TLR10: variants seen among roughly 807,000 people sequenced by gnomAD.
The protein encoded by TLR10 is toll-like receptor 10.
For missense variants in TLR10, 929 were observed against 932.9 expected, an observed-to-expected ratio of 1.00 and a Z score of 0.05; for synonymous variants, 288 against 338.8, an observed-to-expected ratio of 0.85 and a Z score of 1.65.
chr4:38,772,982 C>T lies in TLR10; in HGVS notation c.*173G>A. On this transcript the variant is annotated 3_prime_UTR_variant, in exon 4 of 4. Transcript: ENST00000308973. The stretch of plus-strand genomic sequence containing the variant: ...ACCTTTTTCCATAAGCCCTTATAAA[C>T]TTGTGAAGGTGTTTCTATAGGATAC... The T allele has an allele frequency of 1.5e-5, 8 of 545,094 alleles. No individual in the cohort carries two copies. The highest frequency in any genetic ancestry group is 2.0e-5 in the Non-Finnish European group (7 of 352,538). The allele number at this position is 545,094 out of a possible 1,614,324, so 33.8% of individuals were successfully genotyped here. A position where few individuals can be genotyped will look rare whatever the true frequency, so the allele number is the denominator to read the frequency against.
At chr4:38,777,315 G>T (rs1035731836) in intron 1 of TLR10, among the ~76,000 whole-genome samples, 1 of 152,184 alleles carries the variant, frequency 6.6e-6, no homozygotes, top group African/African-American at 2.4e-5. Flanking sequence ...AGAACAGCAA[G>T]TACAAATTTA....
chr4:38,775,262 C>G lies in TLR10; in HGVS notation c.329G>C (p.Ser110Thr). ...ACCTGCCAGTAAATACCAAGTTACA[C>G]TCTTCAGTCTGTTATTAGACAAATC... is the stretch of plus-strand genomic sequence containing the variant. Reference protein sequence around the residue: ...YLDLSNNRLKSVTWYLLAGLR... With the variant: ...YLDLSNNRLKTVTWYLLAGLR... Residue 110 changes from serine to threonine, a missense_variant, in exon 4 of 4, where the codon AGT (serine) becomes ACT (threonine). Ser to Thr is a moderately conservative substitution (Grantham distance 58). Transcript: ENST00000308973. 1 of 1,613,892 alleles carries G rather than the reference C, an allele frequency of 6.2e-7. No individual in the cohort carries two copies.
At position 38,782,968 on chromosome 4, in the gene TLR10, C is replaced by G. The variant is rs1484194327; in HGVS notation, c.-616G>C. 6.6e-6 allele frequency: 1 copy of G among 152,144 alleles called. No individual in the cohort carries two copies. The highest frequency in any genetic ancestry group is 2.4e-5 in the African/African-American group (1 of 41,430). The allele number at this position is 152,144 out of a possible 1,614,324, so 9.4% of individuals were successfully genotyped here. A position where few individuals can be genotyped will look rare whatever the true frequency, so the allele number is the denominator to read the frequency against. On this transcript the variant is annotated 5_prime_UTR_variant, in exon 1 of 4. Coordinates refer to ENST00000308973, the MANE Select transcript of TLR10 (RefSeq NM_030956.4). ...CAGAGCTGCAGGTGCGTGGATGATTCGTTGACACGGTCAGAATTGGCTGCA... is the reference window on the plus strand; with the variant it reads ...CAGAGCTGCAGGTGCGTGGATGATTGGTTGACACGGTCAGAATTGGCTGCA...
intron 3 of TLR10, 57 bp downstream of exon 3, chr4:38,775,718 C>A: frequency 2.0e-6 from 2 of 993,678 alleles, no homozygotes; most frequent in African/African-American, 1.7e-5. Context: ...TTTTTATTTG[C>A]AAAAAAAATG....
rs930177893 is a variant in TLR10 at position 38,775,392 on chromosome 4, C to A, written c.199G>T (p.Asp67Tyr). Residue 67 changes from aspartate to tyrosine, a missense_variant, in exon 4 of 4, where the codon GAT becomes TAT. Asp to Tyr is a radical substitution (Grantham distance 160). Coordinates refer to ENST00000308973, the MANE Select transcript of TLR10 (RefSeq NM_030956.4). ...CTCAGTTTGGAGACAGAATGAAAAT[C>A]TGAACTCTGGAGTTGAAAAAGGAGG... ...YNLLFQLQSS[D>Y]FHSVSKLRVL... The A allele has an allele frequency of 6.2e-7, 1 of 1,613,986 alleles. No individual in the cohort carries two copies. The highest frequency in any genetic ancestry group is 1.3e-5 in the African/African-American group (1 of 74,922).
chr4:38,775,602 G>C lies in TLR10; in HGVS notation c.-12C>G. 1 of 1,576,786 alleles carries C rather than the reference G, an allele frequency of 6.3e-7. No homozygotes were observed. The highest frequency in any genetic ancestry group is 1.2e-5 in the South Asian group (1 of 84,514). On this transcript the variant is annotated 5_prime_UTR_variant, in exon 4 of 4. Transcript: ENST00000308973. The stretch of plus-strand genomic sequence containing the variant: ...CTGATGAGTCTCATTGTATTTCCAA[G>C]GATTTTACCACTTATTTCCTCATAT...
Position 38,774,817 on chromosome 4 carries a change from G to T in TLR10, c.774C>A (p.Asp258Glu), listed in dbSNP as rs143230031. 419 of 1,595,876 alleles carry T rather than the reference G, an allele frequency of 2.6e-4. No homozygotes were observed. The African/African-American group carries it at 4.8e-3, about 18-fold the overall frequency. ...LLNKVDLLWDDLFLILQFVWH... is the reference protein window; with the variant it reads ...LLNKVDLLWDELFLILQFVWH... ...AAACAAATTGTAAGATAAGGAAAAG[G>T]TCGTCCCAGAGTAAATCAACTTTAT... Residue 258 changes from aspartate (D) to glutamate (E), a missense_variant, in exon 4 of 4, where the codon GAC becomes GAA. By Grantham distance (45) the Asp-to-Glu change is conservative. Coordinates refer to ENST00000308973, the MANE Select transcript of TLR10 (RefSeq NM_030956.4).
intron 1 of TLR10, among the ~76,000 whole-genome samples, chr4:38,780,325 AC>A (rs1365072151): frequency 6.6e-6 from 1 of 151,286 alleles, no homozygotes; most frequent in African/African-American, 2.4e-5. Flanking sequence ...AATCACTTGA[AC>A]CCAAAAGGTG....
In TLR10 at chr4:38,773,403, G is replaced by C; in HGVS notation, c.2188C>G (p.Leu730Val). 6.2e-7 allele frequency: 1 copy of C among 1,613,730 alleles called. No homozygotes were observed. The change falls in exon 4 of 4, where the codon CTG (leucine) becomes GTG (valine). Residue 730 changes from leucine (L) to valine (V), a missense_variant. By Grantham distance (32) the Leu-to-Val change is conservative (BLOSUM62 1). Coordinates refer to ENST00000308973, the MANE Select transcript of TLR10 (RefSeq NM_030956.4). Reference sequence around the variant, plus strand: ...ATGCAATAGAATGGAATGGGTTCCAGTAAGATAAGAATTATATGATCAGAA... The same window carrying C: ...ATGCAATAGAATGGAATGGGTTCCACTAAGATAAGAATTATATGATCAGAA... ...ENSDHIILIL[L>V]EPIPFYCIPT... is the part of the protein sequence containing the mutation.
rs893340330 is a variant in TLR10 at position 38,777,281 on chromosome 4, G to A, written c.-568-855C>T. 3.9e-5 allele frequency among the ~76,000 whole-genome samples: 6 copies of A among 152,138 alleles called. No homozygotes were observed. The South Asian group carries it at 6.2e-4, about 16-fold the overall frequency. On this transcript the variant is annotated intron_variant, in intron 1 of 3. Coordinates refer to ENST00000308973, the MANE Select transcript of TLR10 (RefSeq NM_030956.4). The stretch of plus-strand genomic sequence containing the variant: ...AAGAAGCAAGACACTTGTTGTCTGG[G>A]GAAAGAGTATTTTGGAGAGAGAGAG...
In TLR10 at chr4:38,773,843, AT is replaced by A. The variant is rs777367263; in HGVS notation, c.1747del (p.Ile583LeufsTer6). 6.3e-7 allele frequency: 1 copy of A among 1,587,980 alleles called. No homozygotes were observed. Among genetic ancestry groups the A allele is most frequent in the South Asian group, 1.2e-5 (1 of 85,762 alleles). On this transcript the variant is annotated frameshift_variant, in exon 4 of 4. Transcript: ENST00000308973. LOFTEE classifies it low-confidence loss of function (END_TRUNC). The part of the protein sequence containing the change: ...SCNTALLIVT[I>X]VVIMLVLGLA... ...CCCCAGAACTAGCATAATAACCACA[AT>A]GGTGACAATCAACAGAGCTGTGTTG...
chr4:38,778,633 G>A (rs11466621), intron 1 of TLR10, among the ~76,000 whole-genome samples: 5 of 151,920 alleles, frequency 3.3e-5, no homozygotes, highest in East Asian at 1.9e-4. Context: ...TTAACTCTAC[G>A]TGTCCCCACA....
chr4:38,781,257 C>T (rs978480385), intron 1 of TLR10, among the ~76,000 whole-genome samples: 2 of 152,198 alleles, frequency 1.3e-5, no homozygotes, highest in African/African-American at 4.8e-5. Context: ...CTTCCCACCT[C>T]AGCCTCCCAA....
chr4:38,782,098 C>T (rs73142645), intron 1 of TLR10, among the ~76,000 whole-genome samples: 5,248 of 152,152 alleles, frequency 0.034, 121 homozygotes, highest in African/African-American at 0.053. Flanking sequence ...GTAACGACAT[C>T]CTAAGGACCG....
intron 1 of TLR10, among the ~76,000 whole-genome samples, chr4:38,781,478 G>C (rs1323212442): frequency 2.6e-5 from 4 of 152,034 alleles, no homozygotes; most frequent in Non-Finnish European, 5.9e-5. Flanking sequence ...GGGATTACAG[G>C]CACCTGCCAT....
At position 38,775,416 on chromosome 4, in the gene TLR10, G is replaced by C; in HGVS notation, c.175C>G (p.Leu59Val). 1 of 1,614,134 alleles carries C rather than the reference G, an allele frequency of 6.2e-7. No homozygotes were observed. Among genetic ancestry groups the C allele is most frequent in the Non-Finnish European group, 8.5e-7 (1 of 1,180,014 alleles). Residue 59 changes from leucine to valine, a missense_variant, in exon 4 of 4, where the codon CTC becomes GTC. Leu to Val is a conservative substitution (Grantham distance 32). Transcript: ENST00000308973. ...TCTGAACTCTGGAGTTGAAAAAGGA[G>C]GTTATAGGATAAATCCAGTGTCGTT... is the stretch of plus-strand genomic sequence containing the variant. Reference protein sequence around the residue: ...ATTTLDLSYNLLFQLQSSDFH... With the variant: ...ATTTLDLSYNVLFQLQSSDFH...
At position 38,773,277 on chromosome 4, in the gene TLR10, G is replaced by C. The variant is rs145139818; in HGVS notation, c.2314C>G (p.Arg772Gly). The C allele has an allele frequency of 6.2e-7, 1 of 1,612,310 alleles. No homozygotes were observed. The highest frequency in any genetic ancestry group is 1.3e-5 in the African/African-American group (1 of 74,776). ...AATACATTAACATTAATAGCAGCTC[G>C]AAGGTTTGCCCAGAAAAGCCCACAT... Reference protein sequence around the residue: ...RKCGLFWANLRAAINVNVLAT... With the variant: ...RKCGLFWANLGAAINVNVLAT... The change falls in exon 4 of 4, where the codon CGA (arginine) becomes GGA (glycine). Residue 772 changes from arginine to glycine, a missense_variant. Physicochemically the swap from Arg to Gly is moderately radical, Grantham distance 125. Coordinates refer to ENST00000308973, the MANE Select transcript of TLR10 (RefSeq NM_030956.4).
In TLR10 at chr4:38,775,032, T is replaced by C; in HGVS notation, c.559A>G (p.Ile187Val). 6.2e-7 allele frequency: 1 copy of C among 1,612,514 alleles called. No homozygotes were observed. The highest frequency in any genetic ancestry group is 1.3e-5 in the African/African-American group (1 of 74,964). The change falls in exon 4 of 4, where the codon ATC becomes GTC. Residue 187 changes from isoleucine (I) to valine (V), a missense_variant. Transcript: ENST00000308973. Reference sequence around the variant, plus strand: ...ATGTGCAGTTTTGTTGTGTTTAAGATGGGCAGGCTACCTTCTTCATAATGA... The same window carrying C: ...ATGTGCAGTTTTGTTGTGTTTAAGACGGGCAGGCTACCTTCTTCATAATGA... ...LPHYEEGSLP[I>V]LNTTKLHIVL...
In TLR10 at chr4:38,773,766, T is replaced by A; in HGVS notation, c.1825A>T (p.Met609Leu). 1 of 1,611,746 alleles carries A rather than the reference T, an allele frequency of 6.2e-7. No individual in the cohort carries two copies. Among genetic ancestry groups the A allele is most frequent in the Non-Finnish European group, 8.5e-7 (1 of 1,179,040 alleles). Residue 609 changes from methionine (M) to leucine (L), a missense_variant, in exon 4 of 4, where the codon ATG (methionine) becomes TTG (leucine). Coordinates refer to ENST00000308973, the MANE Select transcript of TLR10 (RefSeq NM_030956.4). ...CATGTTTGTGTGCATTGACCTAGCA[T>A]CCTGAGATACCAGGGCAGATCAAAG... is the stretch of plus-strand genomic sequence containing the variant. ...LHFDLPWYLR[M>L]LGQCTQTWHR...
Sources: allele counts gnomAD v4.1 joint callset (sites outside exome capture counted in the v4.1 genomes callset), GRCh38; gene constraint gnomAD v4.1.1; transcripts MANE v1.5; gene names NCBI Gene and HGNC (gene_info 2026-07-23, HGNC 2026-07-21).